Variants in PTER observed in about 807,000 individuals in gnomAD.
PTER encodes the protein phosphotriesterase related.
In PTER, 38 loss-of-function variants were observed where a neutral mutation model predicts 29.6. That is an observed-to-expected ratio of 1.28 (90% CI 0.99 to 1.68). PTER has a LOEUF of 1.68. Among genes scored for constraint, PTER ranks in the 40% most tolerant of loss-of-function variants. PTER has a pLI of 0.00. For synonymous variants in PTER, 172 were observed against 154.5 expected (o/e 1.11, Z -0.84); for missense variants, 482 against 427.8 (o/e 1.13, Z -1.12).
chr10:16,509,800 G>A (rs914653230), intron 4 of PTER, among the ~76,000 whole-genome samples: 6 of 152,148 alleles, frequency 3.9e-5, no homozygotes, highest in African/African-American at 1.4e-4. Flanking sequence ...TGCACTTATA[G>A]GACAGGCATG....
chr10:16,491,343 GC>G (rs1235156961), intron 3 of PTER, among the ~76,000 whole-genome samples: 1 of 152,136 alleles, frequency 6.6e-6, no homozygotes, highest in African/African-American at 2.4e-5. Context: ...AATCAGGGAG[GC>G]AGATGCAGGC....
At chr10:16,477,910 A>C (rs1835337998) in intron 1 of PTER, among the ~76,000 whole-genome samples, 1 of 152,222 alleles carries the variant, frequency 6.6e-6, no homozygotes, top group African/African-American at 2.4e-5. Context: ...TCAAAGTATC[A>C]CTGTTTCTGG....
chr10:16,467,174 A>T (rs1384637721), intron 1 of PTER, among the ~76,000 whole-genome samples: 2 of 152,220 alleles, frequency 1.3e-5, no homozygotes, highest in African/African-American at 4.8e-5. Context: ...AAGGTATTTT[A>T]AGACAGAAAG....
chr10:16,484,540 C>A lies in PTER; in HGVS notation c.156C>A (p.Ile52=), dbSNP rs751389634. Residue 52 remains isoleucine (I), a synonymous_variant, in exon 2 of 5, where the codon ATC becomes ATA. Coordinates refer to ENST00000535784, the MANE Select transcript of PTER (RefSeq NM_001261836.2). ...PCQEAISKEP[I]VMKNLYWIQK... The stretch of plus-strand genomic sequence containing the variant: ...AGGAAGCTATTTCCAAAGAACCTAT[C>A]GTGATGAAAAATTTATATTGGATTC... 1.9e-6 allele frequency: 3 copies of A among 1,613,824 alleles called. No individual in the cohort carries two copies. The highest frequency in any genetic ancestry group is 4.5e-5 in the East Asian group (2 of 44,880).
intron 1 of PTER, among the ~76,000 whole-genome samples, chr10:16,459,215 GAGAT>G (rs1834518004): frequency 2.6e-5 from 4 of 152,158 alleles, no homozygotes; most frequent in African/African-American, 9.7e-5. Context: ...TCTTATCCAA[GAGAT>G]TCCAGTTGAT....
chr10:16,438,248 C>A (rs989750891), intron 1 of PTER, among the ~76,000 whole-genome samples: 3 of 151,858 alleles, frequency 2.0e-5, no homozygotes, highest in African/African-American at 7.3e-5. Context: ...TTGTGATTCA[C>A]CCACCTCGGC....
chr10:16,456,882 C>T (rs553485694), intron 1 of PTER, among the ~76,000 whole-genome samples: 7 of 150,118 alleles, frequency 4.7e-5, no homozygotes, highest in Non-Finnish European at 8.9e-5. Flanking sequence ...TTCCGCCATG[C>T]TGTTCTCGTG....
intron 1 of PTER, among the ~76,000 whole-genome samples, chr10:16,471,434 A>G (rs1218404827): frequency 6.6e-6 from 1 of 152,150 alleles, no homozygotes; most frequent in African/African-American, 2.4e-5. Context: ...TAAACATTAA[A>G]AACTGGAAAA....
downstream of PTER, among the ~76,000 whole-genome samples, chr10:16,516,876 T>C (rs1255207618): frequency 6.6e-6 from 1 of 152,200 alleles, no homozygotes; most frequent in Non-Finnish European, 1.5e-5. Flanking sequence ...TTTTAATGAA[T>C]GTAATTCTGT....
chr10:16,505,220 T>C (rs1298332060), intron 4 of PTER, 60 bp downstream of exon 4: 17 of 1,574,428 alleles, frequency 1.1e-5, no homozygotes, highest in Non-Finnish European at 1.5e-5. Context: ...GATTGTCATA[T>C]CTAGGGAAGT....
chr10:16,437,550 G>A (rs545860587), intron 1 of PTER: 2 of 152,188 alleles, frequency 1.3e-5, no homozygotes, highest in Admixed American at 1.3e-4. Flanking sequence ...TCGCCATGTT[G>A]CCCAGGCTGG....
intron 4 of PTER, among the ~76,000 whole-genome samples, chr10:16,508,817 T>G (rs1183537411): frequency 6.6e-6 from 1 of 152,134 alleles, no homozygotes; most frequent in Non-Finnish European, 1.5e-5. Flanking sequence ...GAATGCCCTT[T>G]TGGGTTGCGT....
rs149273733 is a variant in PTER at position 16,512,606 on chromosome 10, T to A, written c.*1350T>A. 7 of 152,232 alleles carry A rather than the reference T, an allele frequency of 4.6e-5. No individual in the cohort carries two copies. The East Asian group carries it at 9.6e-4, about 21-fold the overall frequency. The allele number at this position is 152,232 out of a possible 1,614,324, so 9.4% of individuals were successfully genotyped here. A position where few individuals can be genotyped will look rare whatever the true frequency, so the allele number is the denominator to read the frequency against. On this transcript the variant is annotated 3_prime_UTR_variant, in exon 5 of 5. Coordinates refer to ENST00000535784, the MANE Select transcript of PTER (RefSeq NM_001261836.2). ...TGCATAACTCTTGGGAAGTTGAGCT[T>A]TGCTAAATAAAAGATATTTCTGCTG...
intron 1 of PTER, among the ~76,000 whole-genome samples, chr10:16,471,855 T>C (rs886700706): frequency 7.9e-5 from 12 of 152,218 alleles, no homozygotes; most frequent in African/African-American, 2.7e-4. Flanking sequence ...TTTACACATG[T>C]CTAAATATTC....
chr10:16,456,367 C>G (rs1437626810), intron 1 of PTER, among the ~76,000 whole-genome samples: 1 of 152,052 alleles, frequency 6.6e-6, no homozygotes, highest in African/African-American at 2.4e-5. Flanking sequence ...TGTGGTGTCC[C>G]CAGAGAATGC....
At chr10:16,484,235 T>TA in intron 1 of PTER, 102 bp from the exon 2 acceptor site, 3 of 701,232 alleles carry the variant, frequency 4.3e-6, no homozygotes, top group Non-Finnish European at 7.0e-6. Flanking sequence ...TTTGCCTTCT[T>TA]ACATGGGTAT....
At chr10:16,494,723 T>G (rs568662601) in intron 3 of PTER, among the ~76,000 whole-genome samples, 115 of 152,350 alleles carry the variant, frequency 7.5e-4, no homozygotes, top group Non-Finnish European at 1.4e-3. Context: ...TCATAGGCAA[T>G]ATTTAGACCA....
At chr10:16,444,865 A>G (rs553094196) in intron 1 of PTER, among the ~76,000 whole-genome samples, 1 of 152,316 alleles carries the variant, frequency 6.6e-6, no homozygotes, top group East Asian at 1.9e-4. Flanking sequence ...AAAGAATCTT[A>G]CGTAGTAAAT....
chr10:16,507,647 T>C (rs556793718), intron 4 of PTER, among the ~76,000 whole-genome samples: 2 of 152,224 alleles, frequency 1.3e-5, no homozygotes, highest in East Asian at 1.9e-4. Flanking sequence ...TCATTAATAG[T>C]ACTATGCTTC....
Sources: gnomAD v4.1 joint callset for allele counts (sites outside exome capture counted in the v4.1 genomes callset) on GRCh38, gnomAD v4.1.1 for gene constraint, MANE v1.5 for transcripts, NCBI Gene and HGNC (gene_info 2026-07-23, HGNC 2026-07-21) for gene names.